URB1: variants seen among roughly 807,000 people sequenced by gnomAD.
URB1 encodes the protein URB1 ribosome biogenesis factor, also known as nucleolar pre-ribosomal-associated protein 1.
URB1 carries 197 observed loss-of-function variants against 242.3 expected under a neutral mutation model. The observed-to-expected ratio is 0.81, with a 90% CI of 0.72 to 0.91. The LOEUF is 0.91. Among genes scored for constraint, URB1 ranks in the 40% least tolerant of loss-of-function variants. The pLI is 0.00. For missense variants in URB1, 2,721 were observed against 2,860.5 expected, an observed-to-expected ratio of 0.95 and a Z score of 1.11; for synonymous variants, 1,153 against 1,201.8, an observed-to-expected ratio of 0.96 and a Z score of 0.84.
chr21:32,392,052 G>A (rs2033645123), intron 1 of URB1, among the ~76,000 whole-genome samples: 1 of 151,986 alleles, frequency 6.6e-6, no homozygotes, highest in East Asian at 1.9e-4. Context: ...ACAAAAATTG[G>A]AAGTTGAAGA....
intron 2 of URB1, 146 bp from the exon 3 acceptor site, chr21:32,384,610 C>G (rs763745620): frequency 9.4e-7 from 1 of 1,066,108 alleles, no homozygotes; most frequent in Non-Finnish European, 1.3e-6. Flanking sequence ...CTGAGTCAAA[C>G]GCGACAGCTT....
In URB1 at chr21:32,317,825, T is replaced by A. The variant is rs1333389833; in HGVS notation, c.5885A>T (p.Asp1962Val). 6.4e-7 allele frequency: 1 copy of A among 1,551,816 alleles called. No individual in the cohort carries two copies. Among genetic ancestry groups the A allele is most frequent in the African/African-American group, 1.4e-5 (1 of 73,058 alleles). The change falls in exon 37 of 39, where the codon GAC becomes GTC. Residue 1962 changes from aspartate (D) to valine (V), a missense_variant. Transcript: ENST00000382751. ...CTCATTTACGGTGAATCTGTTCATG[T>A]CCCTAAAGGCCTGTATGACAGTGGC... ...YRATVIQAFR[D>V]MNRFTVNETV...
intron 30 of URB1, among the ~76,000 whole-genome samples, chr21:32,326,285 C>CA (rs2032828576): frequency 6.6e-6 from 1 of 152,126 alleles, no homozygotes; most frequent in Non-Finnish European, 1.5e-5. Context: ...ATAGAGTGAC[C>CA]AGTGGCCTAA....
At position 32,367,785 on chromosome 21, in the gene URB1, G is replaced by A. The variant is rs79183820; in HGVS notation, c.1197+618C>T. 1.1e-4 allele frequency among the ~76,000 whole-genome samples: 17 copies of A among 152,314 alleles called. No individual in the cohort carries two copies. The East Asian group carries it at 2.9e-3, about 26-fold the overall frequency. On this transcript the variant is annotated intron_variant, in intron 9 of 38. Coordinates refer to ENST00000382751, the MANE Select transcript of URB1 (RefSeq NM_014825.3). ...TTTACTTTTTATGAGCCCAGATGGA[G>A]AAGAGATAATCGGGCAACTCATCAA...
At position 32,373,637 on chromosome 21, in the gene URB1, G is replaced by C; in HGVS notation, c.876+10C>G. On this transcript the variant is annotated intron_variant, in intron 7 of 38. Coordinates refer to ENST00000382751, the MANE Select transcript of URB1 (RefSeq NM_014825.3). Reference sequence around the variant, plus strand: ...CAACGAGGTCAACGAAAACCAAAAAGTGTCTGCACCTTGACATTTTCTGGG... The same window carrying C: ...CAACGAGGTCAACGAAAACCAAAAACTGTCTGCACCTTGACATTTTCTGGG... The C allele has an allele frequency of 2.0e-6, 3 of 1,532,610 alleles. No homozygotes were observed. Among genetic ancestry groups the C allele is most frequent in the Non-Finnish European group, 2.6e-6 (3 of 1,141,602 alleles). 94.9% of individuals were successfully genotyped at this position (1,532,610 alleles called of 1,614,324 possible).
rs2032628796 is a variant in URB1 at position 32,313,596 on chromosome 21, T to C, written c.*1322A>G. On this transcript the variant is annotated 3_prime_UTR_variant, in exon 39 of 39. Coordinates refer to ENST00000382751, the MANE Select transcript of URB1 (RefSeq NM_014825.3). The stretch of plus-strand genomic sequence containing the variant: ...CAACAAACGTTACTCATGCTTTAGT[T>C]AAAACTTTAAGTCACCTAAAACAGA... 1 of 152,204 alleles carries C rather than the reference T, an allele frequency of 6.6e-6. No homozygotes were observed. The highest frequency in any genetic ancestry group is 1.5e-5 in the Non-Finnish European group (1 of 68,046). 9.4% of individuals were successfully genotyped at this position (152,204 alleles called of 1,614,324 possible). A position where few individuals can be genotyped will look rare whatever the true frequency, so the allele number is the denominator to read the frequency against.
chr21:32,337,598 A>G, intron 26 of URB1, 84 bp from the exon 27 acceptor site: 1 of 1,135,100 alleles, frequency 8.8e-7, no homozygotes, highest in Non-Finnish European at 1.3e-6. Flanking sequence ...TCCAGGCAAC[A>G]TTGAAATGCT....
chr21:32,377,356 A>C, intron 5 of URB1: 1 of 501,774 alleles, frequency 2.0e-6, no homozygotes, highest in Non-Finnish European at 3.9e-6. Flanking sequence ...GTGTACAGCC[A>C]AACTTCCCAG....
chr21:32,364,923 T>C (rs1255156666), intron 10 of URB1, among the ~76,000 whole-genome samples: 2 of 142,838 alleles, frequency 1.4e-5, no homozygotes, highest in African/African-American at 6.1e-5. Flanking sequence ...CTGGGCTCAG[T>C]GGCCCTGGCC....
In URB1 at chr21:32,329,191, A is replaced by G. The variant is rs370953976; in HGVS notation, c.4961-3802T>C. On this transcript the variant is annotated intron_variant, in intron 30 of 38. Coordinates refer to ENST00000382751, the MANE Select transcript of URB1 (RefSeq NM_014825.3). The stretch of plus-strand genomic sequence containing the variant: ...GCTGAGGCAGGAGGACGGCTTGAAC[A>G]GGAGTTTGGGTATACAGTGAGCCAT... 5.9e-5 allele frequency among the ~76,000 whole-genome samples: 9 copies of G among 152,172 alleles called. No homozygotes were observed. In the East Asian group the frequency reaches 1.4e-3, roughly 23 times the overall value.
intron 30 of URB1, among the ~76,000 whole-genome samples, chr21:32,331,529 G>T (rs2032892645): frequency 6.6e-6 from 1 of 152,200 alleles, no homozygotes; most frequent in Non-Finnish European, 1.5e-5. Context: ...GAGACCCAAA[G>T]AACAAGGGAG....
In URB1 at chr21:32,350,333, C is replaced by T. The variant is rs8132929; in HGVS notation, c.2832+371G>A. ...CCTGTAGTCCCAGCTACTTGAAAGG[C>T]TGAGAGGTTGGAGGGTGGCTTGAGT... On this transcript the variant is annotated intron_variant, in intron 20 of 38. Coordinates refer to ENST00000382751, the MANE Select transcript of URB1 (RefSeq NM_014825.3). Among the ~76,000 whole-genome samples the T allele has an allele frequency of 2.6e-5, 4 of 152,140 alleles. No homozygotes were observed. The East Asian group carries it at 7.7e-4, about 29-fold the overall frequency.
chr21:32,382,264 C>A (rs746821943), intron 4 of URB1, among the ~76,000 whole-genome samples: 7 of 152,162 alleles, frequency 4.6e-5, no homozygotes, highest in Non-Finnish European at 1.5e-5. Flanking sequence ...TGATATTTGC[C>A]CTCGTCTGCA....
chr21:32,351,123 C>G (rs2033152842), intron 19 of URB1, among the ~76,000 whole-genome samples: 2 of 152,204 alleles, frequency 1.3e-5, no homozygotes, highest in Non-Finnish European at 2.9e-5. Context: ...TTTCCTAGAG[C>G]GTTTCCACTG....
In URB1 at chr21:32,321,745, T is replaced by C. The variant is rs2032768620; in HGVS notation, c.5484+56A>G. The C allele has an allele frequency of 3.2e-5, 50 of 1,538,462 alleles. 2 individuals are homozygous for C. The South Asian group carries it at 5.7e-4, about 18-fold the overall frequency. On this transcript the variant is annotated intron_variant, in intron 34 of 38. Coordinates refer to ENST00000382751, the MANE Select transcript of URB1 (RefSeq NM_014825.3). ...ATACGGACTTGACTTCCAGATAAAA[T>C]CTTAAGAAGGGGCACAGACCTCTCG...
In URB1 at chr21:32,325,233, G is replaced by T; in HGVS notation, c.5117C>A (p.Ser1706Tyr). 6.5e-7 allele frequency: 1 copy of T among 1,550,242 alleles called. No homozygotes were observed. The highest frequency in any genetic ancestry group is 1.2e-5 in the South Asian group (1 of 84,022). ...HLEGARFQEQ[S>Y]QLLYLLDVVR... is the part of the protein sequence containing the mutation. Reference sequence around the variant, plus strand: ...ATGTACGCTCTTCCTACTTACCTGGGACTGCTCTTGGAACCGTGCGCCCTC... The same window carrying T: ...ATGTACGCTCTTCCTACTTACCTGGTACTGCTCTTGGAACCGTGCGCCCTC... Residue 1706 changes from serine (S) to tyrosine (Y), a missense_variant, in exon 31 of 39, where the codon TCC (serine) becomes TAC (tyrosine). Physicochemically the swap from Ser to Tyr is moderately radical, Grantham distance 144 (BLOSUM62 -2). Transcript: ENST00000382751.
In URB1 at chr21:32,316,775, C is replaced by G. The variant is rs1238923999; in HGVS notation, c.6325G>C (p.Ala2109Pro). ...LAVSWVLRSV[A>P]EHPLSRAEAA... ...TCTGCCCTGCTGAGCGGGTGCTCGG[C>G]CACCGACCGCAGCACCCAACTGACT... The change falls in exon 38 of 39, where the codon GCC (alanine) becomes CCC (proline). Residue 2109 changes from alanine to proline, a missense_variant. By Grantham distance (27) the Ala-to-Pro change is conservative. Coordinates refer to ENST00000382751, the MANE Select transcript of URB1 (RefSeq NM_014825.3). The G allele has an allele frequency of 1.1e-5, 17 of 1,549,644 alleles. No individual in the cohort carries two copies. The highest frequency in any genetic ancestry group is 1.5e-5 in the Non-Finnish European group (17 of 1,145,948).
In URB1 at chr21:32,330,518, G is replaced by T. The variant is rs1273158813; in HGVS notation, c.4960+2799C>A. Among the ~76,000 whole-genome samples the T allele has an allele frequency of 3.3e-5, 5 of 149,286 alleles. No homozygotes were observed. In the East Asian group the frequency reaches 7.8e-4, roughly 23 times the overall value. ...AAAAAAAAAAAAGCACAGTACTCAA[G>T]ATTTCATGAAAATTAACATCCTGAT... On this transcript the variant is annotated intron_variant, in intron 30 of 38. Transcript: ENST00000382751.
intron 20 of URB1, among the ~76,000 whole-genome samples, chr21:32,350,184 G>A (rs1453264736): frequency 6.6e-6 from 1 of 151,670 alleles, no homozygotes; most frequent in Non-Finnish European, 1.5e-5. Flanking sequence ...TGCAATCCCA[G>A]CACTGTGGGA....
Sources: allele counts gnomAD v4.1 joint callset (sites outside exome capture counted in the v4.1 genomes callset), GRCh38; gene constraint gnomAD v4.1.1; transcripts MANE v1.5; gene names NCBI Gene and HGNC (gene_info 2026-07-23, HGNC 2026-07-21).